The following ASPH variants were observed in gnomAD, a reference collection of about 807,000 sequenced individuals.
ASPH encodes aspartyl/asparaginyl beta-hydroxylase.
Under a neutral mutation model 118.4 loss-of-function variants are expected in ASPH, and 100 were observed. The ratio of observed to expected loss-of-function variants is 0.84; its 90% CI spans 0.72 to 1.00. ASPH has a LOEUF of 1.00. Among genes scored for constraint, ASPH ranks in the 50% least tolerant of loss-of-function variants. The pLI, the probability that ASPH is intolerant of heterozygous loss-of-function variation, is 0.00. For missense variants in ASPH, 920 were observed against 919.5 expected (o/e 1.00, Z -0.01); for synonymous variants, 315 against 325.6 (o/e 0.97, Z 0.35).
At chr8:61,665,092 T>G (rs566511172) in intron 3 of ASPH, 2 of 1,409,926 alleles carry the variant, frequency 1.4e-6, no homozygotes, top group East Asian at 5.1e-5. Context: ...AGACGGTATA[T>G]TTAAATTTCA....
intron 18 of ASPH, among the ~76,000 whole-genome samples, chr8:61,562,280 C>T (rs561147643): frequency 1.3e-4 from 6 of 46,622 alleles, no homozygotes; most frequent in Admixed American, 2.0e-4. Context: ...AGAGTCAGTG[C>T]CCTGCTGAAA....
At chr8:61,558,591 T>C (rs1471684250) in intron 18 of ASPH, among the ~76,000 whole-genome samples, 1 of 152,138 alleles carries the variant, frequency 6.6e-6, no homozygotes, top group Non-Finnish European at 1.5e-5. Context: ...TGGACAGCCA[T>C]GTGTCCCATT....
At chr8:61,580,870 A>T (rs953605323) in intron 15 of ASPH, among the ~76,000 whole-genome samples, 6 of 152,344 alleles carry the variant, frequency 3.9e-5, no homozygotes, top group South Asian at 4.1e-4. Flanking sequence ...ATCTGCAAAG[A>T]TCCTTTTCCC....
chr8:61,707,682 G>C (rs895518032), intron 1 of ASPH, among the ~76,000 whole-genome samples: 1 of 152,140 alleles, frequency 6.6e-6, no homozygotes, highest in African/African-American at 2.4e-5. Flanking sequence ...AAAAAAAGTG[G>C]CCTGCGATAG....
intron 3 of ASPH, chr8:61,668,217 T>G: frequency 6.3e-7 from 1 of 1,597,692 alleles, no homozygotes; most frequent in Non-Finnish European, 8.6e-7. Context: ...AAGGCTAATT[T>G]GAAAAAATGA....
chr8:61,714,550 G>C lies in ASPH; in HGVS notation c.-179C>G. ...GCACCTGGGAAGACTTCACCCGCCT[G>C]CCGGCTGCGCGCGCCCGGCCTCGCG... On this transcript the variant is annotated 5_prime_UTR_variant, in exon 1 of 25. Coordinates refer to ENST00000379454, the MANE Select transcript of ASPH (RefSeq NM_004318.4). 1.0e-6 allele frequency: 1 copy of C among 970,886 alleles called. No homozygotes were observed. Among genetic ancestry groups the C allele is most frequent in the Non-Finnish European group, 1.4e-6 (1 of 740,078 alleles). The allele number at this position is 970,886 out of a possible 1,614,324, so 60.1% of individuals were successfully genotyped here. A position where few individuals can be genotyped will look rare whatever the true frequency, so the allele number is the denominator to read the frequency against.
intron 13 of ASPH, among the ~76,000 whole-genome samples, chr8:61,621,204 C>A (rs773850056): frequency 2.5e-4 from 38 of 152,092 alleles, no homozygotes; most frequent in Non-Finnish European, 5.3e-4. Context: ...CTGTCCTTCA[C>A]CTCACATCAA....
intron 5 of ASPH, among the ~76,000 whole-genome samples, chr8:61,650,763 C>T (rs983586557): frequency 1.3e-5 from 2 of 152,180 alleles, no homozygotes; most frequent in African/African-American, 4.8e-5. Context: ...TCTCCATCCT[C>T]CCCTTCTGTT....
intron 6 of ASPH, among the ~76,000 whole-genome samples, chr8:61,645,963 T>C (rs962039974): frequency 1.3e-4 from 20 of 152,328 alleles, no homozygotes; most frequent in African/African-American, 4.3e-4. Context: ...GGCAGGAGAA[T>C]TGCTTGAGGC....
At chr8:61,580,245 C>T (rs1397393791) in intron 15 of ASPH, among the ~76,000 whole-genome samples, 5 of 152,226 alleles carry the variant, frequency 3.3e-5, no homozygotes, top group African/African-American at 1.2e-4. Flanking sequence ...CGTCTTCTCA[C>T]AACTCCACTA....
intron 2 of ASPH, among the ~76,000 whole-genome samples, chr8:61,681,257 A>G (rs1158007555): frequency 6.6e-6 from 1 of 151,770 alleles, no homozygotes; most frequent in African/African-American, 2.4e-5. Flanking sequence ...AATAAATGCT[A>G]TGAAATAAAA....
At position 61,500,588 on chromosome 8, in the gene ASPH, C is replaced by T; in HGVS notation, c.*2771G>A. The T allele has an allele frequency of 6.6e-6, 1 of 152,142 alleles. No homozygotes were observed. The highest frequency in any genetic ancestry group is 1.9e-4 in the East Asian group (1 of 5,190). The allele number at this position is 152,142 out of a possible 1,614,324, so 9.4% of individuals were successfully genotyped here. A position where few individuals can be genotyped will look rare whatever the true frequency, so the allele number is the denominator to read the frequency against. ...TCAAAGGTCATTTTATTTACCTAGT[C>T]TCCTTAGAAATGGAGTCCCCAACTA... On this transcript the variant is annotated 3_prime_UTR_variant, in exon 25 of 25. Transcript: ENST00000379454.
chr8:61,644,658 AT>A, intron 6 of ASPH, 26 bp from the exon 7 acceptor site: 1 of 1,566,954 alleles, frequency 6.4e-7, no homozygotes, highest in Non-Finnish European at 8.7e-7. Flanking sequence ...TTAGATTGAT[AT>A]TTACTGCTTT....
chr8:61,522,858 T>C (rs1337465670), intron 22 of ASPH, among the ~76,000 whole-genome samples: 1 of 152,206 alleles, frequency 6.6e-6, no homozygotes, highest in African/African-American at 2.4e-5. Flanking sequence ...ATCAGTTATA[T>C]TGGGTCAGGG....
intron 21 of ASPH, among the ~76,000 whole-genome samples, chr8:61,545,677 TC>T (rs772727806): frequency 3.9e-5 from 6 of 152,228 alleles, no homozygotes; most frequent in Non-Finnish European, 7.3e-5. Flanking sequence ...TGGGTCCATG[TC>T]AGCCCATAGT....
chr8:61,637,925 C>T, intron 12 of ASPH, 22 bp downstream of exon 12: 1 of 1,594,338 alleles, frequency 6.3e-7, no homozygotes, highest in Non-Finnish European at 8.6e-7. Flanking sequence ...AAGGTAAAAC[C>T]ACTTCCATAA....
intron 1 of ASPH, among the ~76,000 whole-genome samples, chr8:61,711,761 T>C (rs1478221523): frequency 6.6e-6 from 1 of 152,240 alleles, no homozygotes; most frequent in Non-Finnish European, 1.5e-5. Context: ...ATGTTTAATG[T>C]GACCAATGCC....
chr8:61,668,637 G>A (rs948098077), intron 3 of ASPH, among the ~76,000 whole-genome samples: 2 of 152,040 alleles, frequency 1.3e-5, no homozygotes, highest in Non-Finnish European at 2.9e-5. Flanking sequence ...CTAGAGTGAA[G>A]GACCAAGGAC....
chr8:61,535,249 C>T (rs1421557340), intron 21 of ASPH, among the ~76,000 whole-genome samples: 1 of 152,122 alleles, frequency 6.6e-6, no homozygotes, highest in African/African-American at 2.4e-5. Context: ...TTTGAAAAAG[C>T]TCTAGCTACA....
Sources: gnomAD v4.1 joint callset for allele counts (sites outside exome capture counted in the v4.1 genomes callset) on GRCh38, gnomAD v4.1.1 for gene constraint, MANE v1.5 for transcripts, NCBI Gene and HGNC (gene_info 2026-07-23, HGNC 2026-07-21) for gene names.